Variants in OR2L8 observed in about 807,000 individuals in gnomAD.
The protein encoded by OR2L8 is olfactory receptor 2L8.
For synonymous variants in OR2L8, 123 were observed against 138.6 expected, an observed-to-expected ratio of 0.89 and a Z score of 0.79; for missense variants, 324 against 376.0, an observed-to-expected ratio of 0.86 and a Z score of 1.14.
At position 247,949,523 on chromosome 1, in the gene OR2L8, T is replaced by C. The variant is rs1660554308; in HGVS notation, c.666T>C (p.Phe222=). The C allele has an allele frequency of 6.2e-7, 1 of 1,614,114 alleles. No individual in the cohort carries two copies. Among genetic ancestry groups the C allele is most frequent in the South Asian group, 1.1e-5 (1 of 91,078 alleles). The change falls in exon 1 of 1, where the codon TTT becomes TTC. Residue 222 remains phenylalanine, a synonymous_variant. Transcript: ENST00000623922. ...GISCSYGQVL[F]AVYHMKSAEG... ...CATGTTCCTATGGCCAGGTTCTCTT[T>C]GCTGTCTACCACATGAAATCTGCAG...
In OR2L8 at chr1:247,948,914, AT is replaced by A; in HGVS notation, c.58del (p.Ser20GlnfsTer16). Reference protein sequence around the residue: ...DFILLGLFPPSRIDLFFFILI... With the variant: ...DFILLGLFPPXRIDLFFFILI... ...TCATCTTATTGGGGCTGTTTCCACC[AT>A]CAAGAATTGACCTTTTCTTCTTCAT... is the stretch of plus-strand genomic sequence containing the variant. On this transcript the variant is annotated frameshift_variant, in exon 1 of 1. Transcript: ENST00000623922. LOFTEE classifies it low-confidence loss of function (END_TRUNC). The A allele has an allele frequency of 1.2e-6, 2 of 1,613,742 alleles. No individual in the cohort carries two copies. The highest frequency in any genetic ancestry group is 1.3e-5 in the African/African-American group (1 of 75,050).
rs992276904 is a variant in OR2L8, at chr1:247,949,320, G to A, written c.463G>A (p.Ala155Thr). 3.1e-6 allele frequency: 5 copies of A among 1,614,048 alleles called. No individual in the cohort carries two copies. The African/African-American group carries it at 5.3e-5, about 17-fold the overall frequency. The change falls in exon 1 of 1, where the codon GCT becomes ACT. Residue 155 changes from alanine (A) to threonine (T), a missense_variant. Transcript: ENST00000623922. Reference sequence around the variant, plus strand: ...GTCTTGGATCATAGGCTCGATCAATGCTTGTGCTCACACTGTATATGTACT... The same window carrying A: ...GTCTTGGATCATAGGCTCGATCAATACTTGTGCTCACACTGTATATGTACT... ...TGSWIIGSIN[A>T]CAHTVYVLHI... is the part of the protein sequence containing the mutation.
In OR2L8 at chr1:247,949,426, A is replaced by T; in HGVS notation, c.569A>T (p.Asp190Val). The T allele has an allele frequency of 6.2e-7, 1 of 1,612,802 alleles. No homozygotes were observed. The highest frequency in any genetic ancestry group is 2.2e-5 in the East Asian group (1 of 44,876). ...GCAATGGTGACTCTGGCCTGCATGGACACCTGGGTCTATGAGGGCACAGTG... is the reference window on the plus strand; with the variant it reads ...GCAATGGTGACTCTGGCCTGCATGGTCACCTGGGTCTATGAGGGCACAGTG... ...VPAMVTLACM[D>V]TWVYEGTVFL... Residue 190 changes from aspartate to valine, a missense_variant, in exon 1 of 1, where the codon GAC (aspartate) becomes GTC (valine). Asp to Val is a radical substitution (Grantham distance 152, BLOSUM62 -3). Transcript: ENST00000623922.
At position 247,948,908 on chromosome 1, in the gene OR2L8, T is replaced by G. The variant is rs748532567; in HGVS notation, c.51T>G (p.Phe17Leu). 6.2e-7 allele frequency: 1 copy of G among 1,613,538 alleles called. No individual in the cohort carries two copies. Among genetic ancestry groups the G allele is most frequent in the Admixed American group, 1.7e-5 (1 of 59,974 alleles). Residue 17 changes from phenylalanine (F) to leucine (L), a missense_variant, in exon 1 of 1, where the codon TTT becomes TTG. By Grantham distance (22) the Phe-to-Leu change is conservative. Coordinates refer to ENST00000623922, the MANE Select transcript of OR2L8 (RefSeq NM_001001963.1). ...TSTDFILLGL[F>L]PPSRIDLFFF... ...CTGATTTCATCTTATTGGGGCTGTT[T>G]CCACCATCAAGAATTGACCTTTTCT...
Position 247,949,551 on chromosome 1 carries a change from G to A in OR2L8, c.694G>A (p.Gly232Arg), listed in dbSNP as rs1660556078. 6.2e-7 allele frequency: 1 copy of A among 1,614,100 alleles called. No homozygotes were observed. Among genetic ancestry groups the A allele is most frequent in the Non-Finnish European group, 8.5e-7 (1 of 1,179,988 alleles). ...FAVYHMKSAEGRKKAYLTCST... is the reference protein window; with the variant it reads ...FAVYHMKSAERRKKAYLTCST... The stretch of plus-strand genomic sequence containing the variant: ...TGTCTACCACATGAAATCTGCAGAA[G>A]GGAGGAAGAAAGCCTATTTGACCTG... Residue 232 changes from glycine to arginine, a missense_variant, in exon 1 of 1, where the codon GGG becomes AGG. Transcript: ENST00000623922.
chr1:247,949,750 G>A lies in OR2L8; in HGVS notation c.893G>A (p.Gly298Glu), dbSNP rs1031283590. The stretch of plus-strand genomic sequence containing the variant: ...AGCCTGAGGAACAAGGAGGTGATGG[G>A]GGCCCTGACACGAGTGAGTCAGAGA... ...IYSLRNKEVMGALTRVSQRIC... is the reference protein window; with the variant it reads ...IYSLRNKEVMEALTRVSQRIC... Residue 298 changes from glycine to glutamate, a missense_variant, in exon 1 of 1, where the codon GGG (glycine) becomes GAG (glutamate). Physicochemically the swap from Gly to Glu is moderately conservative, Grantham distance 98 (BLOSUM62 -2). Coordinates refer to ENST00000623922, the MANE Select transcript of OR2L8 (RefSeq NM_001001963.1). 3 of 1,613,198 alleles carry A rather than the reference G, an allele frequency of 1.9e-6. No homozygotes were observed. Among genetic ancestry groups the A allele is most frequent in the African/African-American group, 2.7e-5 (2 of 74,848 alleles).
Position 247,948,904 on chromosome 1 carries a change from T to A in OR2L8, c.47T>A (p.Leu16Gln). The A allele has an allele frequency of 4.3e-6, 7 of 1,613,424 alleles. No homozygotes were observed. Among genetic ancestry groups the A allele is most frequent in the Non-Finnish European group, 5.9e-6 (7 of 1,179,598 alleles). ...QTSTDFILLG[L>Q]FPPSRIDLFF... is the part of the protein sequence containing the mutation. ...TCAACTGATTTCATCTTATTGGGGC[T>A]GTTTCCACCATCAAGAATTGACCTT... The change falls in exon 1 of 1, where the codon CTG becomes CAG. Residue 16 changes from leucine to glutamine, a missense_variant. Coordinates refer to ENST00000623922, the MANE Select transcript of OR2L8 (RefSeq NM_001001963.1).
Position 247,949,477 on chromosome 1 carries a change from T to A in OR2L8, c.620T>A (p.Val207Glu). Residue 207 changes from valine (V) to glutamate (E), a missense_variant, in exon 1 of 1, where the codon GTG becomes GAG. Coordinates refer to ENST00000623922, the MANE Select transcript of OR2L8 (RefSeq NM_001001963.1). ...TVFLSATIFL[V>E]FPFIGISCSY... Reference sequence around the variant, plus strand: ...TTTTTGAGTGCCACCATCTTTCTCGTGTTTCCCTTCATTGGTATTTCATGT... The same window carrying A: ...TTTTTGAGTGCCACCATCTTTCTCGAGTTTCCCTTCATTGGTATTTCATGT... The A allele has an allele frequency of 6.2e-7, 1 of 1,610,096 alleles. No individual in the cohort carries two copies. Among genetic ancestry groups the A allele is most frequent in the Non-Finnish European group, 8.5e-7 (1 of 1,176,262 alleles).
At position 247,949,401 on chromosome 1, in the gene OR2L8, G is replaced by A. The variant is rs79950834; in HGVS notation, c.544G>A (p.Ala182Thr). 1,695 of 1,614,124 alleles carry A rather than the reference G, an allele frequency of 1.1e-3. 16 individuals carry two copies. In the African/African-American group the frequency reaches 0.02, roughly 19 times the overall value. The change falls in exon 1 of 1, where the codon GCA (alanine) becomes ACA (threonine). Residue 182 changes from alanine (A) to threonine (T), a missense_variant. Coordinates refer to ENST00000623922, the MANE Select transcript of OR2L8 (RefSeq NM_001001963.1). ...AINHFFCDVP[A>T]MVTLACMDTW... ...CAATCATTTCTTCTGTGATGTCCCA[G>A]CAATGGTGACTCTGGCCTGCATGGA...
chr1:247,949,710 A>C lies in OR2L8; in HGVS notation c.853A>C (p.Asn285His). The change falls in exon 1 of 1, where the codon AAC (asparagine) becomes CAC (histidine). Residue 285 changes from asparagine (N) to histidine (H), a missense_variant. Transcript: ENST00000623922. The part of the protein sequence containing the change: ...VFYTILTPML[N>H]PIIYSLRNKE... ...CTACACCATCCTCACCCCAATGCTC[A>C]ACCCCATCATCTATAGCCTGAGGAA... The C allele has an allele frequency of 6.2e-7, 1 of 1,613,914 alleles. No individual in the cohort carries two copies. Among genetic ancestry groups the C allele is most frequent in the Non-Finnish European group, 8.5e-7 (1 of 1,179,862 alleles).
Position 247,949,371 on chromosome 1 carries a change from G to C in OR2L8, c.514G>C (p.Ala172Pro), listed in dbSNP as rs774741885. 1.2e-6 allele frequency: 2 copies of C among 1,614,118 alleles called. No individual in the cohort carries two copies. The highest frequency in any genetic ancestry group is 3.3e-5 in the Admixed American group (2 of 59,988). The change falls in exon 1 of 1, where the codon GCC (alanine) becomes CCC (proline). Residue 172 changes from alanine to proline, a missense_variant. Physicochemically the swap from Ala to Pro is conservative, Grantham distance 27. Transcript: ENST00000623922. ...VLHIPYCRSRAINHFFCDVPA... is the reference protein window; with the variant it reads ...VLHIPYCRSRPINHFFCDVPA... ...CCATATTCCTTATTGCCGATCCAGG[G>C]CCATCAATCATTTCTTCTGTGATGT...
chr1:247,949,256 C>G lies in OR2L8; in HGVS notation c.399C>G (p.Ile133Met). ...TTTGCTTTCCTCTCCACTATCTCAT[C>G]CGCATGAGCAAAAGAGTGTGTGTGC... ...IAICFPLHYLIRMSKRVCVLM... is the reference protein window; with the variant it reads ...IAICFPLHYLMRMSKRVCVLM... The change falls in exon 1 of 1, where the codon ATC becomes ATG. Residue 133 changes from isoleucine to methionine, a missense_variant. Coordinates refer to ENST00000623922, the MANE Select transcript of OR2L8 (RefSeq NM_001001963.1). The G allele has an allele frequency of 1.2e-6, 2 of 1,614,210 alleles. No individual in the cohort carries two copies. Among genetic ancestry groups the G allele is most frequent in the Non-Finnish European group, 1.7e-6 (2 of 1,180,018 alleles).
rs776462218 is a variant in OR2L8 at position 247,949,278 on chromosome 1, G to T, written c.421G>T (p.Val141Leu). ...YLIRMSKRVC[V>L]LMITGSWIIG... ...CATCCGCATGAGCAAAAGAGTGTGTGTGCTGATGATAACAGGGTCTTGGAT... is the reference window on the plus strand; with the variant it reads ...CATCCGCATGAGCAAAAGAGTGTGTTTGCTGATGATAACAGGGTCTTGGAT... The change falls in exon 1 of 1, where the codon GTG becomes TTG. Residue 141 changes from valine (V) to leucine (L), a missense_variant. Physicochemically the swap from Val to Leu is conservative, Grantham distance 32. Coordinates refer to ENST00000623922, the MANE Select transcript of OR2L8 (RefSeq NM_001001963.1). The T allele has an allele frequency of 6.2e-7, 1 of 1,614,172 alleles. No homozygotes were observed. Among genetic ancestry groups the T allele is most frequent in the East Asian group, 2.2e-5 (1 of 44,878 alleles).
Position 247,948,972 on chromosome 1 carries a change from A to C in OR2L8, c.115A>C (p.Ile39Leu), listed in dbSNP as rs965813620. 1 of 1,613,864 alleles carries C rather than the reference A, an allele frequency of 6.2e-7. No homozygotes were observed. Among genetic ancestry groups the C allele is most frequent in the Middle Eastern group, 1.7e-4 (1 of 6,056 alleles). Residue 39 changes from isoleucine (I) to leucine (L), a missense_variant, in exon 1 of 1, where the codon ATT (isoleucine) becomes CTT (leucine). Ile to Leu is a conservative substitution (Grantham distance 5). Coordinates refer to ENST00000623922, the MANE Select transcript of OR2L8 (RefSeq NM_001001963.1). Reference sequence around the variant, plus strand: ...TGTTTTCATTTTCCTGATGGCTCTAATTGGAAACCTGTCCATGATTCTTCT... The same window carrying C: ...TGTTTTCATTTTCCTGATGGCTCTACTTGGAAACCTGTCCATGATTCTTCT... The part of the protein sequence containing the change: ...LIVFIFLMAL[I>L]GNLSMILLIF...
chr1:247,948,968 T>A lies in OR2L8; in HGVS notation c.111T>A (p.Ala37=). 1 of 1,613,944 alleles carries A rather than the reference T, an allele frequency of 6.2e-7. No individual in the cohort carries two copies. The highest frequency in any genetic ancestry group is 8.5e-7 in the Non-Finnish European group (1 of 1,179,830). ...TCATTGTTTTCATTTTCCTGATGGC[T>A]CTAATTGGAAACCTGTCCATGATTC... ...FILIVFIFLM[A]LIGNLSMILL... Residue 37 remains alanine (A), a synonymous_variant, in exon 1 of 1, where the codon GCT becomes GCA. Coordinates refer to ENST00000623922, the MANE Select transcript of OR2L8 (RefSeq NM_001001963.1).
chr1:247,949,509 G>C lies in OR2L8; in HGVS notation c.652G>C (p.Gly218Arg). ...FPFIGISCSY[G>R]QVLFAVYHMK... is the part of the protein sequence containing the mutation. ...CTTCATTGGTATTTCATGTTCCTAT[G>C]GCCAGGTTCTCTTTGCTGTCTACCA... Residue 218 changes from glycine (G) to arginine (R), a missense_variant, in exon 1 of 1, where the codon GGC becomes CGC. Gly to Arg is a moderately radical substitution (Grantham distance 125). Transcript: ENST00000623922. 5 of 1,613,860 alleles carry C rather than the reference G, an allele frequency of 3.1e-6. No homozygotes were observed. Among genetic ancestry groups the C allele is most frequent in the Non-Finnish European group, 4.2e-6 (5 of 1,179,830 alleles).
Position 247,949,121 on chromosome 1 carries a change from C to A in OR2L8, c.264C>A (p.Asn88Lys). The change falls in exon 1 of 1, where the codon AAC (asparagine) becomes AAA (lysine). Residue 88 changes from asparagine to lysine, a missense_variant. Physicochemically the swap from Asn to Lys is moderately conservative, Grantham distance 94. Transcript: ENST00000623922. ...PKMASDFLHG[N>K]KSISFTGCGI... ...TGGCATCTGATTTTCTGCATGGAAA[C>A]AAGTCTATCTCCTTCACTGGGTGTG... The A allele has an allele frequency of 6.2e-7, 1 of 1,613,996 alleles. No individual in the cohort carries two copies. The highest frequency in any genetic ancestry group is 2.2e-5 in the East Asian group (1 of 44,866).
chr1:247,949,335 G>T lies in OR2L8; in HGVS notation c.478G>T (p.Val160Leu), dbSNP rs1384148719. 6.2e-7 allele frequency: 1 copy of T among 1,614,158 alleles called. No homozygotes were observed. Among genetic ancestry groups the T allele is most frequent in the Non-Finnish European group, 8.5e-7 (1 of 1,180,018 alleles). ...IGSINACAHT[V>L]YVLHIPYCRS... ...CTCGATCAATGCTTGTGCTCACACT[G>T]TATATGTACTCCATATTCCTTATTG... The change falls in exon 1 of 1, where the codon GTA (valine) becomes TTA (leucine). Residue 160 changes from valine (V) to leucine (L), a missense_variant. Coordinates refer to ENST00000623922, the MANE Select transcript of OR2L8 (RefSeq NM_001001963.1).
rs1027546990 is a variant in OR2L8, at chr1:247,948,861, G to A, written c.4G>A (p.Glu2Lys). ...GAATGGATTGTAGGAATGCTCCATG[G>A]AAAATTACAATCAAACATCAACTGA... is the stretch of plus-strand genomic sequence containing the variant. The part of the protein sequence containing the change: M[E>K]NYNQTSTDFI... Residue 2 changes from glutamate to lysine, a missense_variant, in exon 1 of 1, where the codon GAA becomes AAA. By Grantham distance (56) the Glu-to-Lys change is moderately conservative. Transcript: ENST00000623922. 1.4e-5 allele frequency: 22 copies of A among 1,600,848 alleles called. No homozygotes were observed. The highest frequency in any genetic ancestry group is 1.9e-5 in the Non-Finnish European group (22 of 1,173,168).
Sources: allele counts gnomAD v4.1 joint callset, GRCh38; gene constraint gnomAD v4.1.1; transcripts MANE v1.5; gene names NCBI Gene and HGNC (gene_info 2026-07-23, HGNC 2026-07-21).